The following ADCY9 variants were observed in gnomAD, a reference collection of about 807,000 sequenced individuals.
ADCY9 encodes adenylate cyclase type 9.
A neutral mutation model predicts 101.5 loss-of-function variants in ADCY9; 50 were observed. The ratio of observed to expected loss-of-function variants is 0.49; its 90% CI spans 0.39 to 0.62. The LOEUF is 0.62. Among genes scored for constraint, ADCY9 ranks in the 20% least tolerant of loss-of-function variants. The pLI is 0.00. For missense variants in ADCY9, 1,662 were observed against 1,800.4 expected (o/e 0.92, Z 1.39); for synonymous variants, 905 against 769.3 (o/e 1.18, Z -2.92).
Position 3,979,149 on chromosome 16 carries a change from G to C in ADCY9, c.2646C>G (p.Ser882=), listed in dbSNP as rs752231577. 1.2e-6 allele frequency: 2 copies of C among 1,614,216 alleles called. No individual in the cohort carries two copies. Among genetic ancestry groups the C allele is most frequent in the Admixed American group, 3.3e-5 (2 of 60,022 alleles). Residue 882 remains serine (S), a synonymous_variant, in exon 8 of 11, where the codon TCC becomes TCG. Transcript: ENST00000294016. Reference sequence around the variant, plus strand: ...TGGTCTCATATTCGGAGGTGACATGGGAGTAGACGGCCAGTGCGGGAAGCG... The same window carrying C: ...TGGTCTCATATTCGGAGGTGACATGCGAGTAGACGGCCAGTGCGGGAAGCG... ...LVSLPALAVY[S]HVTSEYETNI...
chr16:3,986,356 G>A (rs1355790651), intron 6 of ADCY9, among the ~76,000 whole-genome samples: 1 of 152,144 alleles, frequency 6.6e-6, no homozygotes, highest in Non-Finnish European at 1.5e-5. Context: ...GTGGCCACCT[G>A]CCCTGAGTTT....
At chr16:4,080,746 T>G (rs901915677) in intron 2 of ADCY9, among the ~76,000 whole-genome samples, 11 of 150,924 alleles carry the variant, frequency 7.3e-5, no homozygotes, top group African/African-American at 1.2e-4. Flanking sequence ...AAATATCAAT[T>G]TTATGCTCCA....
At chr16:4,103,590 G>C (rs935099767) in intron 2 of ADCY9, among the ~76,000 whole-genome samples, 8 of 152,224 alleles carry the variant, frequency 5.3e-5, no homozygotes, top group African/African-American at 1.7e-4. Flanking sequence ...AGCATTTTGT[G>C]AGGCCGAGGT....
chr16:3,990,801 T>C (rs538862013), intron 5 of ADCY9, among the ~76,000 whole-genome samples: 1 of 152,276 alleles, frequency 6.6e-6, no homozygotes, highest in Non-Finnish European at 1.5e-5. Flanking sequence ...CTCCATTTAT[T>C]TCTTATTTGT....
chr16:4,039,710 G>A (rs549253183), intron 2 of ADCY9, among the ~76,000 whole-genome samples: 1 of 144,910 alleles, frequency 6.9e-6, no homozygotes, highest in Non-Finnish European at 1.5e-5. Flanking sequence ...AAGCAGGATT[G>A]CACCCTTGAA....
chr16:4,019,503 C>T (rs2056460669), intron 2 of ADCY9, among the ~76,000 whole-genome samples: 1 of 152,328 alleles, frequency 6.6e-6, no homozygotes, highest in African/African-American at 2.4e-5. Flanking sequence ...AGTGCCCAAG[C>T]ACGAGAGGAG....
chr16:4,043,682 T>C (rs1041121733), intron 2 of ADCY9, among the ~76,000 whole-genome samples: 1 of 152,136 alleles, frequency 6.6e-6, no homozygotes, highest in Admixed American at 6.6e-5. Context: ...AGAGCAAGAC[T>C]ACATCTCAAA....
intron 2 of ADCY9, among the ~76,000 whole-genome samples, chr16:4,085,524 G>C (rs1346404662): frequency 6.6e-6 from 1 of 152,124 alleles, no homozygotes; most frequent in Non-Finnish European, 1.5e-5. Context: ...GTCAGAGCAG[G>C]GAGGAACTCA....
intron 8 of ADCY9, among the ~76,000 whole-genome samples, chr16:3,977,980 G>T (rs964679780): frequency 5.3e-5 from 8 of 152,164 alleles, no homozygotes; most frequent in Non-Finnish European, 8.8e-5. Context: ...GCCTCTCAAA[G>T]TGCCTGGGAT....
chr16:4,073,276 G>A (rs934772541), intron 2 of ADCY9, among the ~76,000 whole-genome samples: 2 of 151,596 alleles, frequency 1.3e-5, no homozygotes, highest in African/African-American at 2.4e-5. Flanking sequence ...TGGTAGAGAC[G>A]GGGTTTCGCC....
intron 2 of ADCY9, among the ~76,000 whole-genome samples, chr16:4,063,322 A>C (rs1156479732): frequency 6.6e-6 from 1 of 152,150 alleles, no homozygotes; most frequent in East Asian, 1.9e-4. Context: ...AGCAGATCAA[A>C]ATTTAGGATG....
chr16:3,998,327 C>T (rs1031491100), intron 3 of ADCY9, among the ~76,000 whole-genome samples: 16 of 152,112 alleles, frequency 1.1e-4, no homozygotes, highest in East Asian at 1.9e-4. Context: ...GGGAGGGTCG[C>T]TTGAGCCCAG....
intron 8 of ADCY9, 48 bp from the exon 9 acceptor site, chr16:3,977,678 CCCCTGCTATA>C (rs2052105436): frequency 6.3e-7 from 1 of 1,576,244 alleles, no homozygotes. Context: ...CACCCCGCCA[CCCCTGCTATA>C]CCCGGCCGCC....
chr16:3,972,224 TTTTTC>T lies in ADCY9; in HGVS notation c.2870+2440_2870+2444del, dbSNP rs560331171. Reference sequence around the variant, plus strand: ...GATCCACTTCAAAAAGAAGAATTTCTTTTTCTTTTCTTTTTTTTTTTTTGAGATGG... The same window carrying T: ...GATCCACTTCAAAAAGAAGAATTTCTTTTTCTTTTTTTTTTTTTGAGATGG... On this transcript the variant is annotated intron_variant, in intron 10 of 10. Coordinates refer to ENST00000294016, the MANE Select transcript of ADCY9 (RefSeq NM_001116.4). 2.8e-3 allele frequency among the ~76,000 whole-genome samples: 384 copies of T among 138,730 alleles called. 1 individual carries two copies. Among genetic ancestry groups the T allele is most frequent in the Non-Finnish European group, 4.8e-3 (296 of 61,298 alleles). The allele number at this position is 138,730 out of a possible 152,430, so 91.0% of individuals were successfully genotyped here. A position where few individuals can be genotyped will look rare whatever the true frequency, so the allele number is the denominator to read the frequency against.
intron 9 of ADCY9, among the ~76,000 whole-genome samples, chr16:3,976,892 A>G (rs2056097031): frequency 6.6e-6 from 1 of 152,224 alleles, no homozygotes; most frequent in African/African-American, 2.4e-5. Context: ...TCCTGACCTC[A>G]GGTGATCTGC....
chr16:4,115,331 A>C lies in ADCY9; in HGVS notation c.112T>G (p.Ser38Ala), dbSNP rs1294765504. 3 of 1,613,514 alleles carry C rather than the reference A, an allele frequency of 1.9e-6. No homozygotes were observed. The change falls in exon 2 of 11, where the codon TCC (serine) becomes GCC (alanine). Residue 38 changes from serine to alanine, a missense_variant. Coordinates refer to ENST00000294016, the MANE Select transcript of ADCY9 (RefSeq NM_001116.4). The surrounding 1 kb of genome is among the most constrained non-coding windows in gnomAD (Gnocchi z 6.2). ...VRVKINPKQL[S>A]SNSHPKHCKY... ...CAGTGCTTGGGGTGGCTGTTGGAGG[A>C]CAGCTGCTTGGGGTTGATCTTGACG...
intron 2 of ADCY9, among the ~76,000 whole-genome samples, chr16:4,082,728 G>A (rs2056912934): frequency 6.9e-6 from 1 of 145,984 alleles, no homozygotes; most frequent in South Asian, 2.2e-4. Context: ...GCACACACAT[G>A]CACACCCACG....
At chr16:4,064,538 TCAGA>T (rs1175540930) in intron 2 of ADCY9, among the ~76,000 whole-genome samples, 2 of 152,132 alleles carry the variant, frequency 1.3e-5, no homozygotes, top group Non-Finnish European at 2.9e-5. Context: ...AATGGCACAA[TCAGA>T]GCTCACTGCA....
intron 2 of ADCY9, among the ~76,000 whole-genome samples, chr16:4,089,949 G>T (rs1016575935): frequency 3.9e-5 from 6 of 151,980 alleles, no homozygotes; most frequent in Admixed American, 3.9e-4. Flanking sequence ...CTACCCACAG[G>T]CTTGAATTAC....
Sources: allele counts gnomAD v4.1 joint callset (sites outside exome capture counted in the v4.1 genomes callset), GRCh38; gene constraint gnomAD v4.1.1; non-coding constraint Gnocchi (gnomAD v3.1); transcripts MANE v1.5; gene names NCBI Gene and HGNC (gene_info 2026-07-23, HGNC 2026-07-21).